TBC1D25: variants seen among roughly 807,000 people sequenced by gnomAD.
TBC1D25 encodes the protein TBC1 domain family member 25, also known as 5SN3 snoRNA.
A neutral mutation model predicts 38.8 loss-of-function variants in TBC1D25; 13 were observed. That is an observed-to-expected ratio of 0.34 (90% CI 0.22 to 0.53). The LOEUF is 0.53. TBC1D25 is among the 20% of genes least tolerant of loss of function. The pLI is 0.94. For missense variants in TBC1D25, 372 were observed against 600.0 expected, an observed-to-expected ratio of 0.62 and a Z score of 3.97; for synonymous variants, 225 against 255.6, an observed-to-expected ratio of 0.88 and a Z score of 1.14.
chrX:48,546,356 A>G (rs2061885566), intron 3 of TBC1D25, among the ~76,000 whole-genome samples: 1 of 107,863 alleles, frequency 9.3e-6, no homozygotes, highest in South Asian at 4.0e-4. Flanking sequence ...TACTAAAAAT[A>G]CAAAAAAATA....
At chrX:48,548,961 C>G (rs1556982544) in intron 3 of TBC1D25, among the ~76,000 whole-genome samples, 1 of 112,540 alleles carries the variant, frequency 8.9e-6, no homozygotes, top group African/African-American at 3.2e-5. Flanking sequence ...GGCCCAGTCC[C>G]TCTTTCTGGG....
At chrX:48,551,889 G>A (rs781965366) in intron 3 of TBC1D25, among the ~76,000 whole-genome samples, 1 of 111,017 alleles carries the variant, frequency 9.0e-6, no homozygotes. Flanking sequence ...CAAAGTGCTG[G>A]GATTACAGAC....
chrX:48,544,989 G>A lies in TBC1D25; in HGVS notation c.354G>A (p.Leu118=), dbSNP rs1556981230. The A allele has an allele frequency of 8.3e-7, 1 of 1,211,709 alleles. No individual in the cohort carries two copies. The highest frequency in any genetic ancestry group is 1.1e-6 in the Non-Finnish European group (1 of 895,500). ...TTGCCACTGCCTCCAAACCTTACCT[G>A]CAATTGCGTGTAGATATTCGGCCCT... ...TAFATASKPY[L]QLRVDIRPSE... The change falls in exon 3 of 6, where the codon CTG becomes CTA. Residue 118 remains leucine, a synonymous_variant. Transcript: ENST00000376771.
chrX:48,560,798 C>T lies in TBC1D25; in HGVS notation c.1890C>T (p.Arg630=), dbSNP rs200250274. 4.3e-4 allele frequency: 525 copies of T among 1,211,004 alleles called. 1 individual carries two copies. The highest frequency in any genetic ancestry group is 7.6e-4 in the Admixed American group (35 of 45,915). The stretch of plus-strand genomic sequence containing the variant: ...GCCTGGCCATCCTGCTGGAGCACCG[C>T]GACCACATCATGCGCAATGGGCTGG... The part of the protein sequence containing the change: ...FLCLAILLEH[R]DHIMRNGLDY... Residue 630 remains arginine (R), a synonymous_variant, in exon 6 of 6, where the codon CGC becomes CGT. Transcript: ENST00000376771.
intron 2 of TBC1D25, among the ~76,000 whole-genome samples, chrX:48,543,711 C>T (rs1188800996): frequency 9.4e-6 from 1 of 106,190 alleles, no homozygotes; most frequent in African/African-American, 3.4e-5. Context: ...GGTGAAACTC[C>T]GTCTCTACTA....
At chrX:48,550,169 TA>T (rs1358439288) in intron 3 of TBC1D25, among the ~76,000 whole-genome samples, 1 of 110,373 alleles carries the variant, frequency 9.1e-6, no homozygotes, top group Non-Finnish European at 1.9e-5. Context: ...GTATTTTTAG[TA>T]GAGATGAGGT....
intron 3 of TBC1D25, among the ~76,000 whole-genome samples, chrX:48,550,148 A>G (rs1421271893): frequency 2.7e-5 from 3 of 109,777 alleles, no homozygotes; most frequent in African/African-American, 9.9e-5. Context: ...CACCATGCCT[A>G]GCTAATTTTT....
At chrX:48,546,581 C>T (rs1439329867) in intron 3 of TBC1D25, among the ~76,000 whole-genome samples, 3 of 111,866 alleles carry the variant, frequency 2.7e-5, no homozygotes, top group South Asian at 3.7e-4. Flanking sequence ...ACCCTCAGGA[C>T]TTAATCACCT....
In TBC1D25 at chrX:48,554,049, C is replaced by T. The variant is rs782256101; in HGVS notation, c.389-4848C>T. ...TACAAAAATTTGCCAGGTGTTGTGGCGCACACCTGTAGTCCTAGCTACTTG... is the reference window on the plus strand; with the variant it reads ...TACAAAAATTTGCCAGGTGTTGTGGTGCACACCTGTAGTCCTAGCTACTTG... On this transcript the variant is annotated intron_variant, in intron 3 of 5. Transcript: ENST00000376771. Among the ~76,000 whole-genome samples, 376 of 107,921 alleles carry T rather than the reference C, an allele frequency of 3.5e-3. 6 individuals carry two copies. Among genetic ancestry groups the T allele is most frequent in the African/African-American group, 0.012 (359 of 29,837 alleles). The allele number at this position is 107,921 out of a possible 115,157, so 93.7% of individuals were successfully genotyped here.
At chrX:48,550,331 G>A (rs782800732) in intron 3 of TBC1D25, among the ~76,000 whole-genome samples, 2 of 111,863 alleles carry the variant, frequency 1.8e-5, no homozygotes, top group African/African-American at 3.2e-5. Flanking sequence ...GCAGTGATTC[G>A]AAATGCCACG....
Position 48,558,983 on chromosome X carries a change from A to G in TBC1D25, c.475A>G (p.Thr159Ala), listed in dbSNP as rs2061998586. The G allele has an allele frequency of 8.3e-7, 1 of 1,209,596 alleles. No homozygotes were observed. The highest frequency in any genetic ancestry group is 2.2e-5 in the Admixed American group (1 of 45,607). ...GCTGGCTGAGAAACGGTCATCACTG[A>G]CGACTGCCGCCCTGCCCTTTACACA... The part of the protein sequence containing the change: ...VLLAEKRSSL[T>A]TAALPFTQSI... The change falls in exon 4 of 6, where the codon ACG becomes GCG. Residue 159 changes from threonine to alanine, a missense_variant. Thr to Ala is a moderately conservative substitution (Grantham distance 58, BLOSUM62 0). This residue lies in a region of TBC1D25 where 312 missense variants were observed against 549.3 expected (regional missense o/e 0.57). Transcript: ENST00000376771.
intron 2 of TBC1D25, among the ~76,000 whole-genome samples, chrX:48,543,700 C>T (rs921468500): frequency 3.8e-5 from 4 of 105,989 alleles, no homozygotes; most frequent in Admixed American, 1.0e-4. Context: ...CTGGCTAACA[C>T]GGTGAAACTC....
chrX:48,555,098 C>T (rs1483658696), intron 3 of TBC1D25, among the ~76,000 whole-genome samples: 1 of 110,935 alleles, frequency 9.0e-6, no homozygotes, highest in Non-Finnish European at 1.9e-5. Flanking sequence ...TAGGACTTGG[C>T]GGTGGTTTGG....
chrX:48,546,315 C>T (rs1385411572), intron 3 of TBC1D25, among the ~76,000 whole-genome samples: 2 of 108,155 alleles, frequency 1.8e-5, no homozygotes, highest in Non-Finnish European at 3.8e-5. Context: ...AGATCGAGAC[C>T]ACCCTGGCTA....
Position 48,561,001 on chromosome X carries a change from G to T in TBC1D25, c.*26G>T. On this transcript the variant is annotated 3_prime_UTR_variant, in exon 6 of 6. Transcript: ENST00000376771. ...TCAGGCTTTCTCAAGCCCTCCATCG[G>T]CCCCACCAGATCTCCATTCTTTGCC... 2.6e-6 allele frequency: 3 copies of T among 1,159,114 alleles called. No individual in the cohort carries two copies. The highest frequency in any genetic ancestry group is 3.4e-6 in the Non-Finnish European group (3 of 872,086).
chrX:48,560,295 T>C lies in TBC1D25; in HGVS notation c.1387T>C (p.Trp463Arg). Residue 463 changes from tryptophan (W) to arginine (R), a missense_variant, in exon 6 of 6, where the codon TGG (tryptophan) becomes CGG (arginine). By Grantham distance (101) the Trp-to-Arg change is moderately radical. This residue lies in a region of TBC1D25 where 312 missense variants were observed against 549.3 expected (regional missense o/e 0.57). Transcript: ENST00000376771. Reference protein sequence around the residue: ...ADAGFGGHRGWPVRQRHMLRP... With the variant: ...ADAGFGGHRGRPVRQRHMLRP... ...CGCTGGTTTTGGTGGCCACAGGGGG[T>C]GGCCCGTGCGACAGAGGCACATGCT... 8.3e-7 allele frequency: 1 copy of C among 1,210,711 alleles called. No individual in the cohort carries two copies.
intron 3 of TBC1D25, among the ~76,000 whole-genome samples, chrX:48,545,763 AAAG>A (rs1305740853): frequency 8.9e-6 from 1 of 112,441 alleles, no homozygotes; most frequent in Non-Finnish European, 1.9e-5. Context: ...AGGAATTTGT[AAAG>A]AAGAGAAATT....
chrX:48,559,998 G>T lies in TBC1D25; in HGVS notation c.1090G>T (p.Ala364Ser). 8.3e-7 allele frequency: 1 copy of T among 1,210,661 alleles called. No homozygotes were observed. The highest frequency in any genetic ancestry group is 1.7e-5 in the African/African-American group (1 of 57,889). ...TTGTGGCATCATGAAACGCCTGGCCGCCAACTTCCACCCTGACGGCCGCGC... is the reference window on the plus strand; with the variant it reads ...TTGTGGCATCATGAAACGCCTGGCCTCCAACTTCCACCCTGACGGCCGCGC... ...CFCGIMKRLA[A>S]NFHPDGRAMA... Residue 364 changes from alanine to serine, a missense_variant, in exon 6 of 6, where the codon GCC (alanine) becomes TCC (serine). Around this residue, in one of 2 missense-constraint regions of TBC1D25, gnomAD observed 312 missense variants for 549.3 expected, o/e 0.57. Transcript: ENST00000376771.
intron 1 of TBC1D25, among the ~76,000 whole-genome samples, chrX:48,540,151 G>C (rs1556979864): frequency 9.1e-6 from 1 of 110,453 alleles, no homozygotes; most frequent in African/African-American, 3.3e-5. Flanking sequence ...GGGGGTCTAT[G>C]GGATGAATGG....
Sources: gnomAD v4.1 joint callset for allele counts (sites outside exome capture counted in the v4.1 genomes callset) on GRCh38, gnomAD v4.1.1 for gene constraint, gnomAD v4.1.1 regional missense constraint, MANE v1.5 for transcripts, NCBI Gene and HGNC (gene_info 2026-07-23, HGNC 2026-07-21) for gene names.